Variants in MNAT1 observed in about 807,000 individuals in gnomAD.
MNAT1 encodes CDK-activating kinase assembly factor MAT1.
In MNAT1, 43 loss-of-function variants were observed where a neutral mutation model predicts 42.0. The observed-to-expected ratio is 1.02, with a 90% CI of 0.80 to 1.32. The LOEUF (loss-of-function observed/expected upper bound fraction) is 1.32, where lower values mean the gene tolerates loss of function less well. Among genes scored for constraint, MNAT1 ranks in the 40% most tolerant of loss-of-function variants. The pLI, the probability that MNAT1 is intolerant of heterozygous loss-of-function variation, is 0.00. For synonymous variants in MNAT1, 118 were observed against 120.0 expected (o/e 0.98, Z 0.11); for missense variants, 306 against 350.4 (o/e 0.87, Z 1.01).
chr14:60,890,646 T>A lies in MNAT1; in HGVS notation c.809+10811T>A, dbSNP rs145337106. Among the ~76,000 whole-genome samples the A allele has an allele frequency of 5.1e-3, 780 of 152,250 alleles. 14 individuals carry two copies. Among genetic ancestry groups the A allele is most frequent in the African/African-American group, 0.018 (732 of 41,544 alleles). ...TGAGTGCCCCTGGCAAACCACTGGT[T>A]TAAGTCCAAGAGTCCACAAGCCGAA... is the stretch of plus-strand genomic sequence containing the variant. On this transcript the variant is annotated intron_variant, in intron 7 of 7. Coordinates refer to ENST00000261245, the MANE Select transcript of MNAT1 (RefSeq NM_002431.4).
At chr14:60,771,749 T>A (rs1157187316) in intron 1 of MNAT1, among the ~76,000 whole-genome samples, 1 of 152,236 alleles carries the variant, frequency 6.6e-6, no homozygotes, top group Non-Finnish European at 1.5e-5. Context: ...GTAATTTATC[T>A]GTCCATGTTA....
chr14:60,923,193 A>G (rs576018128), intron 7 of MNAT1, among the ~76,000 whole-genome samples: 3 of 152,208 alleles, frequency 2.0e-5, no homozygotes, highest in African/African-American at 4.8e-5. Flanking sequence ...CTCAAACCAT[A>G]TATCAGAATC....
intron 6 of MNAT1, among the ~76,000 whole-genome samples, chr14:60,876,424 A>G (rs2034437451): frequency 1.3e-5 from 2 of 152,066 alleles, no homozygotes; most frequent in Admixed American, 6.6e-5. Context: ...TTGTGGTAAA[A>G]TACATGTAAC....
intron 1 of MNAT1, among the ~76,000 whole-genome samples, chr14:60,737,403 A>G (rs1048319026): frequency 2.5e-4 from 38 of 152,012 alleles, no homozygotes; most frequent in Admixed American, 6.6e-5. Flanking sequence ...ATGTGTGTAT[A>G]TATATATATT....
chr14:60,921,482 T>C (rs1026230586), intron 7 of MNAT1, among the ~76,000 whole-genome samples: 6 of 152,234 alleles, frequency 3.9e-5, no homozygotes, highest in East Asian at 1.9e-4. Flanking sequence ...TTAGGAAATA[T>C]AAACCCATCA....
intron 7 of MNAT1, among the ~76,000 whole-genome samples, chr14:60,953,334 A>C (rs79011394): frequency 6.6e-6 from 1 of 152,170 alleles, no homozygotes; most frequent in Non-Finnish European, 1.5e-5. Flanking sequence ...TTAGCAAGCA[A>C]GATTCTTCTT....
chr14:60,773,917 T>G (rs962168943), intron 1 of MNAT1, among the ~76,000 whole-genome samples: 2 of 152,228 alleles, frequency 1.3e-5, no homozygotes, highest in East Asian at 1.9e-4. Flanking sequence ...AGCTTTGGTC[T>G]TAGGGATTTT....
chr14:60,848,376 G>C (rs1368232661), intron 6 of MNAT1, among the ~76,000 whole-genome samples: 2 of 152,176 alleles, frequency 1.3e-5, no homozygotes, highest in South Asian at 2.1e-4. Flanking sequence ...GCCCAGCAGG[G>C]CTTTAACTTT....
At chr14:60,879,393 T>C (rs975920219) in intron 6 of MNAT1, among the ~76,000 whole-genome samples, 1 of 152,220 alleles carries the variant, frequency 6.6e-6, no homozygotes, top group Non-Finnish European at 1.5e-5. Context: ...AGTTTTTAAA[T>C]AATATGTATT....
chr14:60,924,086 G>T (rs995868453), intron 7 of MNAT1, among the ~76,000 whole-genome samples: 3 of 152,114 alleles, frequency 2.0e-5, no homozygotes, highest in Non-Finnish European at 2.9e-5. Flanking sequence ...CAAAAAGTTT[G>T]TTTCAGAAAA....
intron 6 of MNAT1, among the ~76,000 whole-genome samples, chr14:60,829,922 C>A (rs1433073010): frequency 6.6e-6 from 1 of 152,148 alleles, no homozygotes; most frequent in Non-Finnish European, 1.5e-5. Flanking sequence ...AGAGTTTTAT[C>A]AAGTTCCTAT....
chr14:60,777,492 C>T (rs181413626), intron 1 of MNAT1, among the ~76,000 whole-genome samples: 33 of 151,850 alleles, frequency 2.2e-4, no homozygotes. Context: ...GTAGCATAAG[C>T]AGTCCAAATA....
chr14:60,777,894 A>G (rs2031309190), intron 1 of MNAT1, among the ~76,000 whole-genome samples: 1 of 152,192 alleles, frequency 6.6e-6, no homozygotes, highest in African/African-American at 2.4e-5. Context: ...TAGCCATACA[A>G]ATAGCTAGAT....
At chr14:60,816,698 G>A (rs914860046) in intron 5 of MNAT1, among the ~76,000 whole-genome samples, 1 of 152,018 alleles carries the variant, frequency 6.6e-6, no homozygotes, top group Non-Finnish European at 1.5e-5. Context: ...ATATTCCCCA[G>A]AGCATGCATG....
At chr14:60,781,301 AT>A (rs1352998484) in intron 1 of MNAT1, among the ~76,000 whole-genome samples, 1 of 152,216 alleles carries the variant, frequency 6.6e-6, no homozygotes, top group Non-Finnish European at 1.5e-5. Flanking sequence ...GTGTGGTGTA[AT>A]TTGCCTGCTC....
chr14:60,765,077 C>T (rs1213046645), intron 1 of MNAT1, among the ~76,000 whole-genome samples: 1 of 152,212 alleles, frequency 6.6e-6, no homozygotes, highest in East Asian at 1.9e-4. Context: ...ATGGTGAAAC[C>T]CCCGTTTCTA....
chr14:60,857,623 G>C (rs1184607465), intron 6 of MNAT1, among the ~76,000 whole-genome samples: 2 of 152,144 alleles, frequency 1.3e-5, no homozygotes, highest in African/African-American at 4.8e-5. Flanking sequence ...TTTGTACAAT[G>C]TGCAGGTTTG....
intron 1 of MNAT1, among the ~76,000 whole-genome samples, chr14:60,788,323 C>T (rs997798537): frequency 6.6e-6 from 1 of 152,162 alleles, no homozygotes; most frequent in Non-Finnish European, 1.5e-5. Flanking sequence ...GCAAACCATG[C>T]TGTAAATAGA....
chr14:60,785,712 A>G (rs1265707246), intron 1 of MNAT1, among the ~76,000 whole-genome samples: 4 of 152,182 alleles, frequency 2.6e-5, no homozygotes, highest in Non-Finnish European at 2.9e-5. Context: ...GCTAGTATCA[A>G]CTGTTTTTAA....
Sources: allele counts gnomAD v4.1 joint callset (sites outside exome capture counted in the v4.1 genomes callset), GRCh38; gene constraint gnomAD v4.1.1; transcripts MANE v1.5; gene names NCBI Gene and HGNC (gene_info 2026-07-23, HGNC 2026-07-21).